The following SEMA5A variants were observed in gnomAD, a reference collection of about 807,000 sequenced individuals.
The protein encoded by SEMA5A is semaphorin 5A.
SEMA5A carries 55 observed loss-of-function variants against 135.5 expected under a neutral mutation model. The ratio of observed to expected loss-of-function variants is 0.41; its 90% CI spans 0.33 to 0.51. SEMA5A has a LOEUF of 0.51. SEMA5A is among the 20% of genes least tolerant of loss of function. The pLI is 0.37. For missense variants in SEMA5A, 1,290 were observed against 1,419.9 expected (o/e 0.91, Z 1.47); for synonymous variants, 580 against 546.5 (o/e 1.06, Z -0.85).
chr5:9,051,965 C>T lies in SEMA5A; in HGVS notation c.2753G>A (p.Arg918His), dbSNP rs375020080. Residue 918 changes from arginine (R) to histidine (H), a missense_variant, in exon 20 of 23, where the codon CGC becomes CAC. By Grantham distance (29) the Arg-to-His change is conservative (BLOSUM62 0). Coordinates refer to ENST00000382496, the MANE Select transcript of SEMA5A (RefSeq NM_003966.3). ...CEASGVQVRA[R>H]QCILLFPMGS... Reference sequence around the variant, plus strand: ...CATGGGGAACAGGAGGATGCACTGGCGGGCGCGGACTTGGACGCCAGAGGC... The same window carrying T: ...CATGGGGAACAGGAGGATGCACTGGTGGGCGCGGACTTGGACGCCAGAGGC... 1.8e-5 allele frequency: 29 copies of T among 1,613,860 alleles called. No individual in the cohort carries two copies. Among genetic ancestry groups the T allele is most frequent in the African/African-American group, 9.3e-5 (7 of 74,930 alleles).
At chr5:9,229,421 C>T (rs938570897) in intron 6 of SEMA5A, among the ~76,000 whole-genome samples, 4 of 152,052 alleles carry the variant, frequency 2.6e-5, no homozygotes, top group Non-Finnish European at 4.4e-5. Context: ...CCTTCCCAGG[C>T]TGAAGAGAAC....
At chr5:9,316,708 CTT>C (rs1425503176) in intron 5 of SEMA5A, among the ~76,000 whole-genome samples, 2 of 151,904 alleles carry the variant, frequency 1.3e-5, no homozygotes, top group Non-Finnish European at 2.9e-5. Flanking sequence ...CAACATGTCA[CTT>C]TGATATACGT....
chr5:9,222,630 T>G (rs1250750832), intron 8 of SEMA5A, among the ~76,000 whole-genome samples: 2 of 152,206 alleles, frequency 1.3e-5, no homozygotes, highest in Non-Finnish European at 2.9e-5. Context: ...ATCTTAGAAA[T>G]GAACAGCAGA....
At chr5:9,063,930 C>T (rs1205947403) in intron 17 of SEMA5A, among the ~76,000 whole-genome samples, 1 of 152,192 alleles carries the variant, frequency 6.6e-6, no homozygotes, top group Non-Finnish European at 1.5e-5. Context: ...TGTCTTCCCA[C>T]TCACAATACT....
intron 13 of SEMA5A, among the ~76,000 whole-genome samples, chr5:9,130,885 T>C (rs1347499740): frequency 6.6e-6 from 1 of 152,202 alleles, no homozygotes; most frequent in African/African-American, 2.4e-5. Flanking sequence ...TCCTGGTTTC[T>C]TTCCCAGTGC....
intron 1 of SEMA5A, among the ~76,000 whole-genome samples, chr5:9,499,794 C>T (rs1735489088): frequency 1.3e-5 from 2 of 152,202 alleles, no homozygotes; most frequent in Admixed American, 1.3e-4. Flanking sequence ...GGTTGTGTAT[C>T]ATTAACTTTC....
At chr5:9,199,959 T>C (rs1056836672) in intron 9 of SEMA5A, among the ~76,000 whole-genome samples, 1 of 152,126 alleles carries the variant, frequency 6.6e-6, no homozygotes, top group Admixed American at 6.5e-5. Context: ...CCTTGACGAA[T>C]GTACAGAGGC....
chr5:9,230,351 C>T (rs887282487), intron 6 of SEMA5A, among the ~76,000 whole-genome samples: 1 of 151,942 alleles, frequency 6.6e-6, no homozygotes, highest in African/African-American at 2.4e-5. Context: ...GAAGAACCAG[C>T]ATGTTGGTCA....
chr5:9,141,021 C>G (rs1017245772), intron 12 of SEMA5A, among the ~76,000 whole-genome samples: 3 of 152,192 alleles, frequency 2.0e-5, no homozygotes, highest in African/African-American at 4.8e-5. Flanking sequence ...TCTGCACGTT[C>G]TTAACATTAC....
intron 18 of SEMA5A, among the ~76,000 whole-genome samples, chr5:9,060,048 T>C (rs1737099040): frequency 1.3e-5 from 2 of 152,120 alleles, no homozygotes; most frequent in Non-Finnish European, 2.9e-5. Context: ...CCCCTAGCAC[T>C]TCCAACCCTC....
intron 2 of SEMA5A, among the ~76,000 whole-genome samples, chr5:9,395,855 AG>A (rs1371105977): frequency 3.3e-5 from 5 of 152,206 alleles, no homozygotes; most frequent in Non-Finnish European, 5.9e-5. Flanking sequence ...AAATCCCTGC[AG>A]TTCTCTTTGA....
At chr5:9,414,297 C>A (rs991587657) in intron 2 of SEMA5A, among the ~76,000 whole-genome samples, 1 of 152,268 alleles carries the variant, frequency 6.6e-6, no homozygotes, top group South Asian at 2.1e-4. Flanking sequence ...TAAGATCTAG[C>A]GATTCAACTA....
intron 1 of SEMA5A, among the ~76,000 whole-genome samples, chr5:9,457,458 C>A (rs868455322): frequency 3.3e-5 from 5 of 152,166 alleles, no homozygotes; most frequent in South Asian, 2.1e-4. Flanking sequence ...ATACCAAGTT[C>A]CTCACTCAAA....
At position 9,154,497 on chromosome 5, in the gene SEMA5A, C is replaced by A. The variant is rs754065909; in HGVS notation, c.1472G>T (p.Arg491Leu). The change falls in exon 12 of 23, where the codon CGC (arginine) becomes CTC (leucine). Residue 491 changes from arginine to leucine, a missense_variant. Physicochemically the swap from Arg to Leu is moderately radical, Grantham distance 102. This residue lies in a region of SEMA5A where 1,029 missense variants were observed against 1,086.6 expected (regional missense o/e 0.95). Coordinates refer to ENST00000382496, the MANE Select transcript of SEMA5A (RefSeq NM_003966.3). ...CCCGGAGATGCCCTACCTGCGTGTGCGGTAGAACTGGCACCTCTTCAGGGG... is the reference window on the plus strand; with the variant it reads ...CCCGGAGATGCCCTACCTGCGTGTGAGGTAGAACTGGCACCTCTTCAGGGG... ...KIPLKRCQFY[R>L]TRSTCIGAQD... is the part of the protein sequence containing the mutation. The A allele has an allele frequency of 6.2e-7, 1 of 1,611,824 alleles. No homozygotes were observed.
At position 9,106,599 on chromosome 5, in the gene SEMA5A, G is replaced by T. The variant is rs769437946; in HGVS notation, c.2073+1541C>A. ...AGCAAATGAGACAAACCTTGACATG[G>T]CAATGCAGACCTCAGGGGGCACACA... is the stretch of plus-strand genomic sequence containing the variant. On this transcript the variant is annotated intron_variant, in intron 16 of 22. Coordinates refer to ENST00000382496, the MANE Select transcript of SEMA5A (RefSeq NM_003966.3). Among the ~76,000 whole-genome samples, 3 of 152,116 alleles carry T rather than the reference G, an allele frequency of 2.0e-5. No individual in the cohort carries two copies. In the South Asian group the frequency reaches 6.2e-4, roughly 32 times the overall value.
intron 2 of SEMA5A, among the ~76,000 whole-genome samples, chr5:9,409,566 T>C (rs1757026791): frequency 6.6e-6 from 1 of 152,134 alleles, no homozygotes; most frequent in Non-Finnish European, 1.5e-5. Flanking sequence ...GAGGGGACCT[T>C]TACCTGCGTG....
At chr5:9,530,841 A>G (rs896076848) in intron 1 of SEMA5A, among the ~76,000 whole-genome samples, 1 of 152,166 alleles carries the variant, frequency 6.6e-6, no homozygotes, top group Admixed American at 6.5e-5. Flanking sequence ...CCCAACTCCT[A>G]TGCTAAGGAG....
intron 1 of SEMA5A, among the ~76,000 whole-genome samples, chr5:9,497,771 AT>A (rs1735378057): frequency 2.0e-5 from 3 of 152,242 alleles, no homozygotes; most frequent in African/African-American, 4.8e-5. Flanking sequence ...CCATGAAGCT[AT>A]TGCTGTTAAC....
intron 3 of SEMA5A, chr5:9,363,505 A>G (rs1233956233): frequency 6.6e-6 from 1 of 152,204 alleles, no homozygotes; most frequent in East Asian, 1.9e-4. Flanking sequence ...CTAGAAGGTC[A>G]CATGGTGAGA....
Sources: allele counts gnomAD v4.1 joint callset (sites outside exome capture counted in the v4.1 genomes callset), GRCh38; gene constraint gnomAD v4.1.1; regional missense constraint gnomAD v4.1.1; transcripts MANE v1.5; gene names NCBI Gene and HGNC (gene_info 2026-07-23, HGNC 2026-07-21).